The following ADAMTS19 variants were observed in gnomAD, a reference collection of about 807,000 sequenced individuals.
ADAMTS19 encodes the protein A disintegrin and metalloproteinase with thrombospondin motifs 19.
In ADAMTS19, 93 loss-of-function variants were observed where a neutral mutation model predicts 153.3. The ratio of observed to expected loss-of-function variants is 0.61; its 90% CI spans 0.51 to 0.72. The LOEUF is 0.72. Among genes scored for constraint, ADAMTS19 ranks in the 30% least tolerant of loss-of-function variants. The pLI, the probability that ADAMTS19 is intolerant of heterozygous loss-of-function variation, is 0.00. For synonymous variants in ADAMTS19, 600 were observed against 556.6 expected (o/e 1.08, Z -1.10); for missense variants, 1,482 against 1,552.1 (o/e 0.95, Z 0.76).
At chr5:129,588,402 A>G (rs986335355) in intron 7 of ADAMTS19, among the ~76,000 whole-genome samples, 2 of 152,134 alleles carry the variant, frequency 1.3e-5, no homozygotes, top group Non-Finnish European at 2.9e-5. Flanking sequence ...ATGTTTGAAC[A>G]TAATATGAAT....
At chr5:129,527,989 G>T (rs375449959) in intron 5 of ADAMTS19, among the ~76,000 whole-genome samples, 158 bp downstream of exon 5, 2 of 151,842 alleles carry the variant, frequency 1.3e-5, no homozygotes, top group South Asian at 2.1e-4. Flanking sequence ...TTTGGTTAAT[G>T]CCCCGATCTT....
intron 7 of ADAMTS19, among the ~76,000 whole-genome samples, chr5:129,574,083 T>C (rs1223880827): frequency 2.0e-5 from 3 of 152,010 alleles, no homozygotes; most frequent in Non-Finnish European, 4.4e-5. Flanking sequence ...TTTTAACCCT[T>C]GGAGAATTCA....
chr5:129,509,523 A>G (rs533457717), intron 3 of ADAMTS19, among the ~76,000 whole-genome samples: 6 of 152,030 alleles, frequency 3.9e-5, no homozygotes, highest in African/African-American at 1.4e-4. Flanking sequence ...GATACTGTTC[A>G]CTTTACTGGA....
intron 7 of ADAMTS19, among the ~76,000 whole-genome samples, chr5:129,567,237 TA>T (rs891761276): frequency 6.6e-6 from 1 of 152,098 alleles, no homozygotes; most frequent in African/African-American, 2.4e-5. Context: ...GATTTTATGC[TA>T]AAAAAATTAA....
intron 2 of ADAMTS19, among the ~76,000 whole-genome samples, chr5:129,465,859 A>T (rs1481730161): frequency 6.6e-6 from 1 of 152,258 alleles, no homozygotes; most frequent in Non-Finnish European, 1.5e-5. Flanking sequence ...GTATTAGAAG[A>T]GAATGTCATC....
chr5:129,657,381 A>T (rs1190934975), intron 14 of ADAMTS19, among the ~76,000 whole-genome samples: 8 of 152,142 alleles, frequency 5.3e-5, no homozygotes, highest in African/African-American at 1.4e-4. Context: ...AATAATTGGA[A>T]CCTATTATAA....
chr5:129,674,330 T>A (rs1480145235), intron 16 of ADAMTS19, among the ~76,000 whole-genome samples: 1 of 152,140 alleles, frequency 6.6e-6, no homozygotes, highest in Non-Finnish European at 1.5e-5. Flanking sequence ...TTTTTAAAGC[T>A]CTTTGAATAC....
chr5:129,474,935 G>GT (rs1750178131), intron 2 of ADAMTS19, among the ~76,000 whole-genome samples: 1 of 151,936 alleles, frequency 6.6e-6, no homozygotes, highest in Non-Finnish European at 1.5e-5. Context: ...TTGTTAATTA[G>GT]TTTTTTTCTA....
rs754686061 is a variant in ADAMTS19, at chr5:129,641,975, T to G, written c.1872+15T>G. ...ACCTTGGTAAGGTAAGTCATTTGTG[T>G]TGTCTGAATTTAATGAGCATACTAG... On this transcript the variant is annotated intron_variant, in intron 11 of 22. Transcript: ENST00000274487. The G allele has an allele frequency of 1.2e-5, 18 of 1,525,390 alleles. No individual in the cohort carries two copies. In the East Asian group the frequency reaches 2.1e-4, roughly 17 times the overall value. 94.5% of individuals were successfully genotyped at this position (1,525,390 alleles called of 1,614,324 possible).
At chr5:129,486,966 A>C (rs1034164122) in intron 2 of ADAMTS19, among the ~76,000 whole-genome samples, 3 of 152,160 alleles carry the variant, frequency 2.0e-5, no homozygotes, top group Non-Finnish European at 4.4e-5. Flanking sequence ...ATGCACATGC[A>C]TTTATCACAG....
chr5:129,639,911 A>G (rs2127019940), intron 10 of ADAMTS19, among the ~76,000 whole-genome samples: 1 of 152,256 alleles, frequency 6.6e-6, no homozygotes, highest in South Asian at 2.1e-4. Flanking sequence ...AATACTCTTA[A>G]ATGTCTCCAC....
At position 129,738,453 on chromosome 5, in the gene ADAMTS19, A is replaced by C. The variant is rs1300281191; in HGVS notation, c.*1235A>C. Reference sequence around the variant, plus strand: ...TGTTTATAGAGTGAACTGCCTTGGAAGATAGTATGTCTCTTGGGAGCAAAG... The same window carrying C: ...TGTTTATAGAGTGAACTGCCTTGGACGATAGTATGTCTCTTGGGAGCAAAG... On this transcript the variant is annotated 3_prime_UTR_variant, in exon 23 of 23. Coordinates refer to ENST00000274487, the MANE Select transcript of ADAMTS19 (RefSeq NM_133638.6). The C allele has an allele frequency of 6.6e-6, 1 of 152,020 alleles. No individual in the cohort carries two copies. The highest frequency in any genetic ancestry group is 1.5e-5 in the Non-Finnish European group (1 of 67,974). The allele number at this position is 152,020 out of a possible 1,614,324, so 9.4% of individuals were successfully genotyped here.
At chr5:129,637,732 C>A (rs1038252722) in intron 10 of ADAMTS19, among the ~76,000 whole-genome samples, 12 of 152,258 alleles carry the variant, frequency 7.9e-5, no homozygotes, top group African/African-American at 2.6e-4. Context: ...ATGATCCCAG[C>A]TACTTAGGTG....
chr5:129,632,737 TTAA>T (rs1752357178), intron 10 of ADAMTS19, among the ~76,000 whole-genome samples: 1 of 152,056 alleles, frequency 6.6e-6, no homozygotes, highest in South Asian at 2.1e-4. Flanking sequence ...TCTCCATAGT[TTAA>T]GATGAGAAAT....
intron 2 of ADAMTS19, among the ~76,000 whole-genome samples, chr5:129,478,095 C>A (rs1750286068): frequency 6.6e-6 from 1 of 152,136 alleles, no homozygotes; most frequent in Admixed American, 6.5e-5. Flanking sequence ...ATATTATAAA[C>A]TGTATTTACA....
At chr5:129,599,498 A>G (rs549079726) in intron 8 of ADAMTS19, among the ~76,000 whole-genome samples, 1 of 152,302 alleles carries the variant, frequency 6.6e-6, no homozygotes, top group South Asian at 2.1e-4. Flanking sequence ...TGAATAGTTT[A>G]CTTTTAAAAA....
chr5:129,596,485 CCTG>C (rs1490718923), intron 7 of ADAMTS19, 71 bp from the exon 8 acceptor site: 2 of 1,006,456 alleles, frequency 2.0e-6, no homozygotes, highest in South Asian at 1.7e-5. Flanking sequence ...CATTTTCATT[CCTG>C]CTGCTAATAA....
chr5:129,710,454 G>T (rs937398828), intron 21 of ADAMTS19, among the ~76,000 whole-genome samples: 1 of 152,014 alleles, frequency 6.6e-6, no homozygotes, highest in Non-Finnish European at 1.5e-5. Flanking sequence ...TATCTTTCAC[G>T]AAAGAAGACA....
intron 7 of ADAMTS19, among the ~76,000 whole-genome samples, chr5:129,574,094 A>G (rs561425716): frequency 3.3e-5 from 5 of 152,202 alleles, no homozygotes; most frequent in South Asian, 4.1e-4. Flanking sequence ...GGAGAATTCA[A>G]TGCAATAAGA....
Sources: gnomAD v4.1 joint callset for allele counts (sites outside exome capture counted in the v4.1 genomes callset) on GRCh38, gnomAD v4.1.1 for gene constraint, MANE v1.5 for transcripts, NCBI Gene and HGNC (gene_info 2026-07-23, HGNC 2026-07-21) for gene names.